The following PXDNL variants were observed in gnomAD, a reference collection of about 807,000 sequenced individuals.
The protein encoded by PXDNL is probable oxidoreductase PXDNL.
Under a neutral mutation model 150.8 loss-of-function variants are expected in PXDNL, and 145 were observed. The ratio of observed to expected loss-of-function variants is 0.96; its 90% CI spans 0.84 to 1.10. The LOEUF (loss-of-function observed/expected upper bound fraction) is 1.10, where lower values mean the gene tolerates loss of function less well. Among genes scored for constraint, PXDNL ranks in the 50% least tolerant of loss-of-function variants. The pLI is 0.00. For missense variants in PXDNL, 2,087 were observed against 1,873.9 expected, an observed-to-expected ratio of 1.11 and a Z score of -2.10; for synonymous variants, 757 against 725.7, an observed-to-expected ratio of 1.04 and a Z score of -0.69.
rs117969375 is a variant in PXDNL, at chr8:51,329,037, C to A, written c.4147-8140G>T. 5.4e-3 allele frequency among the ~76,000 whole-genome samples: 828 copies of A among 152,286 alleles called. 23 individuals are homozygous for A. Among genetic ancestry groups the A allele is most frequent in the Admixed American group, 0.04 (616 of 15,294 alleles). ...GCCAACAGAAAAACCAGGGGTCAGCCCTTCAGTGAAATCAATTAGCTGCAC... is the reference window on the plus strand; with the variant it reads ...GCCAACAGAAAAACCAGGGGTCAGCACTTCAGTGAAATCAATTAGCTGCAC... On this transcript the variant is annotated intron_variant, in intron 21 of 22. Transcript: ENST00000356297.
At chr8:51,595,805 A>G (rs1813550383) in intron 2 of PXDNL, among the ~76,000 whole-genome samples, 1 of 147,246 alleles carries the variant, frequency 6.8e-6, no homozygotes. Context: ...ACAACGCATA[A>G]ATCATTTGCA....
chr8:51,475,081 T>C lies in PXDNL; in HGVS notation c.585A>G (p.Leu195=). The change falls in exon 7 of 23, where the codon TTA becomes TTG. Residue 195 remains leucine, a synonymous_variant. Transcript: ENST00000356297. ...TGTGGCCGTGTTGGGCAAAGCCTTG[T>C]AAAAGCTCCCCCAGCCACATCAGAT... The part of the protein sequence containing the change: ...DCDLMWLGEL[L]QGFAQHGHTQ... 1 of 1,613,866 alleles carries C rather than the reference T, an allele frequency of 6.2e-7. No homozygotes were observed. Among genetic ancestry groups the C allele is most frequent in the Non-Finnish European group, 8.5e-7 (1 of 1,179,862 alleles).
intron 2 of PXDNL, among the ~76,000 whole-genome samples, chr8:51,615,946 C>T (rs1408335073): frequency 1.3e-5 from 2 of 152,104 alleles, no homozygotes; most frequent in Admixed American, 6.6e-5. Flanking sequence ...TGAGACTGTC[C>T]ATGCAAGTGT....
intron 12 of PXDNL, among the ~76,000 whole-genome samples, chr8:51,443,956 G>C (rs1809612550): frequency 6.6e-6 from 1 of 152,062 alleles, no homozygotes; most frequent in Non-Finnish European, 1.5e-5. Context: ...ATGTATACAT[G>C]TGCCATGTTG....
intron 6 of PXDNL, among the ~76,000 whole-genome samples, chr8:51,482,017 C>T (rs1453387868): frequency 2.0e-5 from 3 of 152,180 alleles, no homozygotes; most frequent in African/African-American, 4.8e-5. Flanking sequence ...GAGAAGAAGG[C>T]CAACGTCCTC....
At chr8:51,468,324 A>G (rs79939697) in intron 8 of PXDNL, among the ~76,000 whole-genome samples, 3,734 of 152,050 alleles carry the variant, frequency 0.025, 156 homozygotes, top group African/African-American at 0.085. Context: ...TTAGGTATAT[A>G]AAGGTTCATG....
rs568564217 is a variant in PXDNL, at chr8:51,530,727, T to A, written c.380+26113A>T. On this transcript the variant is annotated intron_variant, in intron 4 of 22. Coordinates refer to ENST00000356297, the MANE Select transcript of PXDNL (RefSeq NM_144651.5). ...TGCTCTGTTCCTGAGGCTCCTTCGC[T>A]CCCTCCAGGCCTCAGTCCTGCTGTG... Among the ~76,000 whole-genome samples the A allele has an allele frequency of 8.6e-5, 13 of 151,672 alleles. No homozygotes were observed. In the South Asian group the frequency reaches 2.7e-3, roughly 32 times the overall value.
At chr8:51,588,111 A>G (rs1252753549) in intron 3 of PXDNL, among the ~76,000 whole-genome samples, 1 of 152,180 alleles carries the variant, frequency 6.6e-6, no homozygotes, top group African/African-American at 2.4e-5. Context: ...CAAGGAACAA[A>G]CAATAAGCAG....
At chr8:51,489,233 G>T (rs535448616) in intron 5 of PXDNL, among the ~76,000 whole-genome samples, 3 of 152,324 alleles carry the variant, frequency 2.0e-5, no homozygotes, top group African/African-American at 7.2e-5. Flanking sequence ...CAAAATTGTG[G>T]ATGGATTTGT....
At chr8:51,758,871 C>G (rs1458586053) in intron 1 of PXDNL, among the ~76,000 whole-genome samples, 1 of 152,158 alleles carries the variant, frequency 6.6e-6, no homozygotes, top group African/African-American at 2.4e-5. Context: ...TTTCTCTTAC[C>G]TACAAATTTC....
chr8:51,547,905 T>C (rs985763432), intron 4 of PXDNL, among the ~76,000 whole-genome samples: 17 of 152,156 alleles, frequency 1.1e-4, no homozygotes, highest in African/African-American at 3.9e-4. Context: ...CAGGGAAGCA[T>C]CAGAGAAAGG....
intron 1 of PXDNL, among the ~76,000 whole-genome samples, chr8:51,702,740 T>C (rs1157132297): frequency 6.6e-6 from 1 of 152,170 alleles, no homozygotes; most frequent in Admixed American, 6.5e-5. Flanking sequence ...TGAATTGTTA[T>C]CATGTTCCCA....
At chr8:51,442,236 T>C (rs1809567947) in intron 12 of PXDNL, among the ~76,000 whole-genome samples, 1 of 151,184 alleles carries the variant, frequency 6.6e-6, no homozygotes, top group Non-Finnish European at 1.5e-5. Flanking sequence ...CATATTGTTT[T>C]CTAATATACT....
chr8:51,590,818 T>C (rs1813428440), intron 3 of PXDNL, among the ~76,000 whole-genome samples: 1 of 152,152 alleles, frequency 6.6e-6, no homozygotes. Flanking sequence ...TCAGATGAGA[T>C]TCTGGGCTTT....
At chr8:51,433,079 C>G (rs952900256) in intron 12 of PXDNL, among the ~76,000 whole-genome samples, 1 of 151,928 alleles carries the variant, frequency 6.6e-6, no homozygotes, top group Non-Finnish European at 1.5e-5. Flanking sequence ...TGTGGCAGGG[C>G]GCCCCTGTAG....
At chr8:51,373,003 A>G (rs562587760) in intron 18 of PXDNL, among the ~76,000 whole-genome samples, 1 of 152,330 alleles carries the variant, frequency 6.6e-6, no homozygotes, top group African/African-American at 2.4e-5. Flanking sequence ...TTAAGATGGT[A>G]GGCAAAAAGA....
At chr8:51,621,917 A>G (rs989599164) in intron 2 of PXDNL, among the ~76,000 whole-genome samples, 1 of 142,954 alleles carries the variant, frequency 7.0e-6, no homozygotes, top group African/African-American at 2.5e-5. Context: ...GCAGGCCAGC[A>G]TGGGTGACAG....
chr8:51,713,497 A>G (rs1479653923), intron 1 of PXDNL, among the ~76,000 whole-genome samples: 1 of 152,228 alleles, frequency 6.6e-6, no homozygotes, highest in Non-Finnish European at 1.5e-5. Flanking sequence ...CCAGTTGAAT[A>G]GGCAAGGCTG....
At chr8:51,795,153 T>TAG in intron 1 of PXDNL, among the ~76,000 whole-genome samples, 1 of 152,278 alleles carries the variant, frequency 6.6e-6, no homozygotes, top group Non-Finnish European at 1.5e-5. Flanking sequence ...AAAAAGCTCT[T>TAG]AGAGACCTAC....
Sources: gnomAD v4.1 joint callset for allele counts (sites outside exome capture counted in the v4.1 genomes callset) on GRCh38, gnomAD v4.1.1 for gene constraint, MANE v1.5 for transcripts, NCBI Gene and HGNC (gene_info 2026-07-23, HGNC 2026-07-21) for gene names.